The following LARS2 variants were observed in gnomAD, a reference collection of about 807,000 sequenced individuals.
LARS2 encodes the protein leucine--tRNA ligase, mitochondrial.
LARS2 carries 81 observed loss-of-function variants against 116.6 expected under a neutral mutation model. The ratio of observed to expected loss-of-function variants is 0.69; its 90% CI spans 0.58 to 0.84. The LOEUF is 0.84. Among genes scored for constraint, LARS2 ranks in the 40% least tolerant of loss-of-function variants. LARS2 has a pLI of 0.00. For missense variants in LARS2, 968 were observed against 1,114.5 expected, an observed-to-expected ratio of 0.87 and a Z score of 1.87; for synonymous variants, 396 against 407.2, an observed-to-expected ratio of 0.97 and a Z score of 0.33.
At chr3:45,496,484 T>C in intron 14 of LARS2, 111 bp downstream of exon 14, 1 of 814,834 alleles carries the variant, frequency 1.2e-6, no homozygotes, top group Non-Finnish European at 2.1e-6. Flanking sequence ...GAAATGCCTG[T>C]GCAGATTAAA....
chr3:45,471,051 A>ATG, intron 8 of LARS2, among the ~76,000 whole-genome samples: 1 of 149,680 alleles, frequency 6.7e-6, no homozygotes, highest in African/African-American at 2.4e-5. Flanking sequence ...AAAAAAAAAA[A>ATG]AAAAAAAAAA....
At chr3:45,511,636 G>GCT (rs1430585099) in intron 15 of LARS2, among the ~76,000 whole-genome samples, 1 of 152,032 alleles carries the variant, frequency 6.6e-6, no homozygotes, top group Admixed American at 6.6e-5. Context: ...GAACAGCTGG[G>GCT]GTTAGTCAGT....
chr3:45,451,140 C>T (rs1699120320), intron 7 of LARS2, among the ~76,000 whole-genome samples: 1 of 151,748 alleles, frequency 6.6e-6, no homozygotes, highest in Admixed American at 6.6e-5. Context: ...ATTTTTTCCC[C>T]TTCTGTAGGC....
rs113076915 is a variant in LARS2 at position 45,393,995 on chromosome 3, GGCCT to G, written c.-21-436_-21-433del. On this transcript the variant is annotated intron_variant, in intron 2 of 21. Coordinates refer to ENST00000645846, the MANE Select transcript of LARS2 (RefSeq NM_015340.4). ...TTCAGAATTTCTGGCCCTCCTGGGA[GGCCT>G]GTATTTAGACCCCTTCTGATATTTG... 9.5e-3 allele frequency among the ~76,000 whole-genome samples: 1,441 copies of G among 152,322 alleles called. 19 individuals are homozygous for G. Among genetic ancestry groups the G allele is most frequent in the African/African-American group, 0.031 (1,275 of 41,558 alleles).
chr3:45,518,443 A>G (rs1381593704), intron 18 of LARS2, among the ~76,000 whole-genome samples: 2 of 152,176 alleles, frequency 1.3e-5, no homozygotes, highest in Non-Finnish European at 2.9e-5. Context: ...CATATGTTAC[A>G]TTAACAGAAA....
intron 20 of LARS2, among the ~76,000 whole-genome samples, chr3:45,539,492 G>A (rs182542883): frequency 5.5e-4 from 84 of 152,124 alleles, no homozygotes; most frequent in South Asian, 1.0e-3. Flanking sequence ...TTAGCCAGGC[G>A]TGGTGGTGCA....
intron 15 of LARS2, among the ~76,000 whole-genome samples, chr3:45,507,649 A>G (rs1013267854): frequency 1.3e-5 from 2 of 152,078 alleles, no homozygotes; most frequent in Non-Finnish European, 2.9e-5. Flanking sequence ...AACATGGAGA[A>G]ATTCATCTGA....
At chr3:45,413,761 A>G (rs904959710) in intron 4 of LARS2, among the ~76,000 whole-genome samples, 6 of 152,220 alleles carry the variant, frequency 3.9e-5, no homozygotes, top group African/African-American at 7.2e-5. Context: ...AGTGACTCCA[A>G]CCACTGGAAG....
At chr3:45,440,675 C>G (rs781074226) in intron 6 of LARS2, among the ~76,000 whole-genome samples, 39 of 152,116 alleles carry the variant, frequency 2.6e-4, no homozygotes, top group Non-Finnish European at 4.9e-4. Context: ...ATGAGCTGTT[C>G]TGAAATCTAG....
intron 14 of LARS2, among the ~76,000 whole-genome samples, chr3:45,498,419 T>C (rs1400350830): frequency 6.6e-6 from 1 of 152,252 alleles, no homozygotes; most frequent in Non-Finnish European, 1.5e-5. Flanking sequence ...CTTTCCTTTC[T>C]TTTCTGTCGC....
At position 45,541,913 on chromosome 3, in the gene LARS2, C is replaced by T. The variant is rs201306509; in HGVS notation, c.2489C>T (p.Pro830Leu). 27 of 1,614,122 alleles carry T rather than the reference C, an allele frequency of 1.7e-5. No individual in the cohort carries two copies. Among genetic ancestry groups the T allele is most frequent in the Admixed American group, 3.3e-5 (2 of 60,012 alleles). ...VLLQAWPAVD[P>L]EFLQQPEVVQ... ...CTCCAGGCATGGCCTGCTGTGGACC[C>T]GGAGTTCCTGCAGCAGCCTGAGGTT... Residue 830 changes from proline to leucine, a missense_variant, in exon 21 of 22, where the codon CCG becomes CTG. Pro to Leu is a moderately conservative substitution (Grantham distance 98). Transcript: ENST00000645846.
chr3:45,536,697 C>T (rs187200652), intron 20 of LARS2, among the ~76,000 whole-genome samples: 70 of 152,266 alleles, frequency 4.6e-4, no homozygotes, highest in African/African-American at 1.6e-3. Flanking sequence ...CAAAGCGAAA[C>T]CTAATTTTTA....
chr3:45,425,528 T>A (rs894481995), intron 6 of LARS2, among the ~76,000 whole-genome samples: 1 of 152,230 alleles, frequency 6.6e-6, no homozygotes, highest in Non-Finnish European at 1.5e-5. Flanking sequence ...CCATGCTCTA[T>A]CAGAATTTTT....
chr3:45,481,713 CTTT>C (rs1699706475), intron 10 of LARS2, among the ~76,000 whole-genome samples: 2 of 151,862 alleles, frequency 1.3e-5, no homozygotes, highest in South Asian at 4.1e-4. Flanking sequence ...TTTAGTTTGT[CTTT>C]TTATTATTTT....
chr3:45,490,264 G>A (rs888908816), intron 12 of LARS2, among the ~76,000 whole-genome samples: 1 of 152,142 alleles, frequency 6.6e-6, no homozygotes, highest in Non-Finnish European at 1.5e-5. Context: ...GGCAAGAAAG[G>A]GGACACTTGT....
rs189635383 is a variant in LARS2 at position 45,502,568 on chromosome 3, G to A, written c.1760+1989G>A. 2.1e-3 allele frequency among the ~76,000 whole-genome samples: 322 copies of A among 152,056 alleles called. 4 individuals carry two copies. Among genetic ancestry groups the A allele is most frequent in the Non-Finnish European group, 3.7e-3 (254 of 67,916 alleles). On this transcript the variant is annotated intron_variant, in intron 15 of 21. Coordinates refer to ENST00000645846, the MANE Select transcript of LARS2 (RefSeq NM_015340.4). ...TGGGACTACAGGCGCCCACCAGCAC[G>A]CCCAGCTAATTTTTGTATTTTTAGT...
chr3:45,483,214 T>C (rs1037164829), intron 10 of LARS2, among the ~76,000 whole-genome samples: 2 of 152,250 alleles, frequency 1.3e-5, no homozygotes, highest in Non-Finnish European at 2.9e-5. Context: ...GTGCCGTATA[T>C]GCCTATACTG....
chr3:45,451,931 C>T (rs1047943352), intron 7 of LARS2, among the ~76,000 whole-genome samples: 10 of 151,922 alleles, frequency 6.6e-5, no homozygotes, highest in African/African-American at 2.4e-4. Context: ...TAAATTTACT[C>T]CTAGGTATTT....
chr3:45,494,472 C>A (rs1699975230), intron 13 of LARS2, among the ~76,000 whole-genome samples: 2 of 152,210 alleles, frequency 1.3e-5, no homozygotes, highest in African/African-American at 4.8e-5. Context: ...CACCCAAAGA[C>A]TTACACTGCC....
Sources: allele counts gnomAD v4.1 joint callset (sites outside exome capture counted in the v4.1 genomes callset), GRCh38; gene constraint gnomAD v4.1.1; transcripts MANE v1.5; gene names NCBI Gene and HGNC (gene_info 2026-07-23, HGNC 2026-07-21).